The following PHEX variants were observed in gnomAD, a reference collection of about 807,000 sequenced individuals.
PHEX encodes the protein phosphate regulating endopeptidase X-linked, also known as phosphate-regulating neutral endopeptidase PHEX.
In PHEX, 16 loss-of-function variants were observed where a neutral mutation model predicts 68.0. The ratio of observed to expected loss-of-function variants is 0.24; its 90% confidence interval spans 0.16 to 0.36. The LOEUF is 0.36. Ranked by LOEUF, PHEX falls within the 10% of genes least tolerant of loss-of-function variation. The pLI, the probability that PHEX is intolerant of heterozygous loss-of-function variation, is 1.00. For missense variants in PHEX, 480 were observed against 575.5 expected (o/e 0.83, Z 1.70); for synonymous variants, 208 against 205.1 (o/e 1.01, Z -0.12).
At chrX:22,046,446 T>C (rs1172677353) in intron 2 of PHEX, among the ~76,000 whole-genome samples, 2 of 111,462 alleles carry the variant, frequency 1.8e-5, no homozygotes, top group African/African-American at 6.5e-5. Flanking sequence ...GTCACAGTTA[T>C]CTTTGCAAAC....
At chrX:22,075,904 A>G (rs1276290767) in intron 3 of PHEX, among the ~76,000 whole-genome samples, 1 of 111,913 alleles carries the variant, frequency 8.9e-6, no homozygotes, top group African/African-American at 3.3e-5. Flanking sequence ...TTATTCAACA[A>G]TGGATAAAAC....
intron 8 of PHEX, chrX:22,098,010 G>A (rs749631854): frequency 4.2e-4 from 53 of 126,042 alleles, no homozygotes; most frequent in Admixed American, 1.5e-3. Flanking sequence ...CACCTGCCTC[G>A]GCCTCCCAAA....
At position 22,077,457 on chromosome X, in the gene PHEX, C is replaced by T. The variant is rs1429132896; in HGVS notation, c.437-19C>T. 2 of 1,176,888 alleles carry T rather than the reference C, an allele frequency of 1.7e-6. No homozygotes were observed. Among genetic ancestry groups the T allele is most frequent in the Middle Eastern group, 2.3e-4 (1 of 4,282 alleles). ...CAGTTTGCAATTCTAACTTTCTCTTCATATCTGCTCCCTTTCAGAAGCGAT... is the reference window on the plus strand; with the variant it reads ...CAGTTTGCAATTCTAACTTTCTCTTTATATCTGCTCCCTTTCAGAAGCGAT... On this transcript the variant is annotated intron_variant, in intron 4 of 21. Transcript: ENST00000379374.
At chrX:22,185,648 C>T (rs1051641999) in intron 14 of PHEX, among the ~76,000 whole-genome samples, 25 of 111,026 alleles carry the variant, frequency 2.3e-4, no homozygotes, top group African/African-American at 7.9e-4. Context: ...TTATCTATTG[C>T]TGTGTGATAA....
At position 22,226,458 on chromosome X, in the gene PHEX, A is replaced by G; in HGVS notation, c.1915A>G (p.Thr639Ala). ...KAGLNVKGKR[T>A]LGENIADNGG... ...TTTCTGTTAGGTCAAGGGGAAGAGG[A>G]CCCTGGGAGAAAATATTGCTGATAA... is the stretch of plus-strand genomic sequence containing the variant. The change falls in exon 19 of 22, where the codon ACC becomes GCC. Residue 639 changes from threonine (T) to alanine (A), a missense_variant. Physicochemically the swap from Thr to Ala is moderately conservative, Grantham distance 58. Coordinates refer to ENST00000379374, the MANE Select transcript of PHEX (RefSeq NM_000444.6). 8.3e-7 allele frequency: 1 copy of G among 1,201,530 alleles called. No homozygotes were observed. The highest frequency in any genetic ancestry group is 1.1e-6 in the Non-Finnish European group (1 of 888,462).
chrX:22,218,659 T>TACTG (rs1225705700), intron 16 of PHEX, among the ~76,000 whole-genome samples: 9 of 111,840 alleles, frequency 8.0e-5, no homozygotes. Flanking sequence ...ATGATATATT[T>TACTG]ACTGACAGGA....
At chrX:22,103,409 G>A (rs754770012) in intron 9 of PHEX, among the ~76,000 whole-genome samples, 1 of 111,113 alleles carries the variant, frequency 9.0e-6, no homozygotes, top group African/African-American at 3.3e-5. Context: ...CCCATCACCT[G>A]AGCAGTGTAC....
At chrX:22,207,635 G>A (rs926686349) in intron 15 of PHEX, among the ~76,000 whole-genome samples, 33 of 110,291 alleles carry the variant, frequency 3.0e-4, no homozygotes, top group Non-Finnish European at 4.9e-4. Flanking sequence ...GAAATAGGAG[G>A]TTTTTTATAC....
chrX:22,223,018 C>T (rs1935320288), intron 18 of PHEX, among the ~76,000 whole-genome samples: 1 of 111,652 alleles, frequency 9.0e-6, no homozygotes, highest in African/African-American at 3.3e-5. Context: ...TCATTTTGGC[C>T]AAAGTGTCAG....
chrX:22,051,065 T>A (rs1480783092), intron 3 of PHEX, among the ~76,000 whole-genome samples: 1 of 111,791 alleles, frequency 8.9e-6, no homozygotes, highest in African/African-American at 3.3e-5. Context: ...CCTATATGTG[T>A]TTCTATGCTC....
At position 22,032,839 on chromosome X, in the gene PHEX, A is replaced by G. The variant is rs1926856402; in HGVS notation, c.-167A>G. On this transcript the variant is annotated 5_prime_UTR_variant, in exon 1 of 22. Coordinates refer to ENST00000379374, the MANE Select transcript of PHEX (RefSeq NM_000444.6). Reference sequence around the variant, plus strand: ...GTTTTTATAATTTTCATTTGTGAAGAATTATTTGAGAAAGGGTGGCGAGGG... The same window carrying G: ...GTTTTTATAATTTTCATTTGTGAAGGATTATTTGAGAAAGGGTGGCGAGGG... The G allele has an allele frequency of 2.0e-6, 1 of 504,777 alleles. No individual in the cohort carries two copies. Among genetic ancestry groups the G allele is most frequent in the African/African-American group, 2.3e-5 (1 of 42,815 alleles). 41.6% of individuals were successfully genotyped at this position (504,777 alleles called of 1,213,427 possible).
chrX:22,202,954 G>A (rs903285861), intron 15 of PHEX, among the ~76,000 whole-genome samples: 1 of 111,485 alleles, frequency 9.0e-6, no homozygotes, highest in African/African-American at 3.3e-5. Context: ...CTGGGATTTG[G>A]GCCCAGCAAT....
chrX:22,162,515 C>T (rs1296238313), intron 12 of PHEX, among the ~76,000 whole-genome samples: 2 of 111,758 alleles, frequency 1.8e-5, no homozygotes, highest in Non-Finnish European at 3.8e-5. Flanking sequence ...GAAAAAGTCA[C>T]GTTTCTACTT....
chrX:22,071,581 A>C (rs2147012715), intron 3 of PHEX, among the ~76,000 whole-genome samples: 1 of 111,748 alleles, frequency 8.9e-6, no homozygotes, highest in African/African-American at 3.3e-5. Context: ...AATCTAATGG[A>C]GCATAGCCAT....
rs138169705 is a variant in PHEX at position 22,069,826 on chromosome X, C to T, written c.350-6562C>T. Among the ~76,000 whole-genome samples, 751 of 111,503 alleles carry T rather than the reference C, an allele frequency of 6.7e-3. 3 individuals are homozygous for T. Among genetic ancestry groups the T allele is most frequent in the Middle Eastern group, 0.018 (4 of 217 alleles). On this transcript the variant is annotated intron_variant, in intron 3 of 21. Transcript: ENST00000379374. ...CTGCCAAGCTGAGTGTCACACAATT[C>T]GTGTGAAAATATATGAGAGTTACGG...
intron 9 of PHEX, among the ~76,000 whole-genome samples, chrX:22,100,662 G>A (rs774390832): frequency 9.0e-6 from 1 of 111,377 alleles, no homozygotes. Context: ...TTGGTTTACT[G>A]TATTAGAAAA....
chrX:22,173,307 T>C (rs1933600695), intron 13 of PHEX, among the ~76,000 whole-genome samples: 1 of 110,167 alleles, frequency 9.1e-6, no homozygotes, highest in South Asian at 4.0e-4. Flanking sequence ...TTGGCCTTCA[T>C]CCAGACTGTT....
intron 15 of PHEX, among the ~76,000 whole-genome samples, chrX:22,192,926 C>G (rs369690468): frequency 6.4e-4 from 71 of 110,894 alleles, no homozygotes; most frequent in African/African-American, 2.2e-3. Context: ...TGCCCGACTT[C>G]GGTCTGAGAG....
intron 20 of PHEX, among the ~76,000 whole-genome samples, chrX:22,239,633 G>T (rs1403318468): frequency 1.8e-5 from 2 of 110,187 alleles, no homozygotes; most frequent in Admixed American, 9.8e-5. Context: ...GCGGAAGAAA[G>T]GATATCAGAG....
Sources: allele counts gnomAD v4.1 joint callset (sites outside exome capture counted in the v4.1 genomes callset), GRCh38; gene constraint gnomAD v4.1.1; transcripts MANE v1.5; gene names NCBI Gene and HGNC (gene_info 2026-07-23, HGNC 2026-07-21).